The following MTMR3 variants were observed in gnomAD, a reference collection of about 807,000 sequenced individuals.
The protein encoded by MTMR3 is phosphatidylinositol-3,5-bisphosphate 3-phosphatase MTMR3.
In MTMR3, 32 loss-of-function variants were observed where a neutral mutation model predicts 132.4. The ratio of observed to expected loss-of-function variants is 0.24; its 90% confidence interval spans 0.18 to 0.32. The LOEUF is 0.32. Ranked by LOEUF, MTMR3 falls within the 10% of genes least tolerant of loss-of-function variation. MTMR3 has a pLI of 1.00. For synonymous variants in MTMR3, 556 were observed against 550.3 expected (o/e 1.01, Z -0.14); for missense variants, 1,216 against 1,489.6 (o/e 0.82, Z 3.02).
At chr22:30,024,928 C>G (rs1344315395) in intron 19 of MTMR3, 1 of 152,662 alleles carries the variant, frequency 6.6e-6, no homozygotes, top group Non-Finnish European at 1.5e-5. Flanking sequence ...TGGTAGAACT[C>G]TGGTTTTCCC....
chr22:29,917,457 G>A (rs2065330555), intron 1 of MTMR3, among the ~76,000 whole-genome samples: 1 of 152,092 alleles, frequency 6.6e-6, no homozygotes, highest in African/African-American at 2.4e-5. Context: ...GGCCAGCCTG[G>A]GCAACACAGG....
chr22:29,918,763 TATC>T (rs1347105543), intron 1 of MTMR3, among the ~76,000 whole-genome samples: 3 of 152,246 alleles, frequency 2.0e-5, no homozygotes, highest in Non-Finnish European at 4.4e-5. Context: ...ATCTGTCTCA[TATC>T]ATTTCATATG....
intron 1 of MTMR3, among the ~76,000 whole-genome samples, chr22:29,888,083 T>TAA (rs1238198278): frequency 1.3e-5 from 2 of 152,294 alleles, no homozygotes; most frequent in Admixed American, 1.3e-4. Context: ...AGTGGCACGA[T>TAA]CTCGGCTCAC....
In MTMR3 at chr22:30,016,575, G is replaced by A; in HGVS notation, c.1551G>A (p.Leu517=). 6.2e-7 allele frequency: 1 copy of A among 1,614,122 alleles called. No individual in the cohort carries two copies. Among genetic ancestry groups the A allele is most frequent in the Non-Finnish European group, 8.5e-7 (1 of 1,180,026 alleles). Residue 517 remains leucine (L), a synonymous_variant, in exon 15 of 20, where the codon CTG becomes CTA. Coordinates refer to ENST00000401950, the MANE Select transcript of MTMR3 (RefSeq NM_021090.4). ...HTYSCLFGTF[L]CNNAKERGEK... is the part of the protein sequence containing the mutation. The stretch of plus-strand genomic sequence containing the variant: ...ATTCCTGCCTGTTTGGAACATTCCT[G>A]TGCAACAACGCCAAGGAGAGAGGGG...
chr22:29,933,393 A>T (rs1167746159), intron 1 of MTMR3, among the ~76,000 whole-genome samples: 2 of 151,884 alleles, frequency 1.3e-5, no homozygotes. Context: ...GGATGCTTTT[A>T]TATCCAAGTT....
chr22:30,018,232 C>CT (rs2067649980), intron 16 of MTMR3, 160 bp downstream of exon 16: 1 of 774,810 alleles, frequency 1.3e-6, no homozygotes, highest in African/African-American at 1.8e-5. Context: ...GATTTCTGAG[C>CT]TACGAGGCTG....
intron 1 of MTMR3, among the ~76,000 whole-genome samples, chr22:29,925,207 G>GT (rs1439731827): frequency 4.6e-5 from 7 of 152,094 alleles, no homozygotes; most frequent in African/African-American, 9.7e-5. Flanking sequence ...TAGTTTTACT[G>GT]TTTTTTGTAG....
At chr22:29,951,998 G>A (rs1474555456) in intron 1 of MTMR3, among the ~76,000 whole-genome samples, 2 of 147,314 alleles carry the variant, frequency 1.4e-5, no homozygotes, top group East Asian at 2.1e-4. Flanking sequence ...GAAGTAATCC[G>A]CCCACCTCAG....
intron 12 of MTMR3, 33 bp downstream of exon 12, chr22:30,009,162 T>C (rs41157): frequency 0.66 from 907,295 of 1,377,764 alleles, 306,086 homozygotes; most frequent in African/African-American, 0.87. Flanking sequence ...CATTTTGCAT[T>C]GCTCTTAAAT....
chr22:29,899,723 A>G (rs1184741792), intron 1 of MTMR3: 1 of 152,220 alleles, frequency 6.6e-6, no homozygotes, highest in Non-Finnish European at 1.5e-5. Context: ...AAAAATGGAC[A>G]AAACTAACAG....
At chr22:29,991,038 A>G (rs1322664597) in intron 6 of MTMR3, 1 of 152,830 alleles carries the variant, frequency 6.5e-6, no homozygotes, top group Non-Finnish European at 1.5e-5. Context: ...GATTTGTCCT[A>G]ATAGCTAAAT....
At chr22:29,902,406 GT>G (rs534691732) in intron 1 of MTMR3, among the ~76,000 whole-genome samples, 2,520 of 134,446 alleles carry the variant, frequency 0.019, 33 homozygotes, top group African/African-American at 0.061. Flanking sequence ...GGTTATGAAA[GT>G]TTTTTTTTTT....
chr22:29,938,257 A>G (rs2145805054), intron 1 of MTMR3, among the ~76,000 whole-genome samples: 1 of 152,340 alleles, frequency 6.6e-6, no homozygotes, highest in East Asian at 1.9e-4. Flanking sequence ...TGCTTTGCGT[A>G]AAGAAACCCA....
intron 2 of MTMR3, among the ~76,000 whole-genome samples, chr22:29,960,498 A>C (rs1427244690): frequency 6.6e-6 from 1 of 152,216 alleles, no homozygotes; most frequent in Non-Finnish European, 1.5e-5. Flanking sequence ...AGTGTTGGAA[A>C]CTGTCCTATC....
At chr22:29,931,380 G>A (rs1306255673) in intron 1 of MTMR3, among the ~76,000 whole-genome samples, 3 of 152,170 alleles carry the variant, frequency 2.0e-5, no homozygotes, top group Admixed American at 1.3e-4. Context: ...AACATCCAAA[G>A]TGATAATAGT....
chr22:29,974,430 G>T (rs1156979518), intron 3 of MTMR3, among the ~76,000 whole-genome samples: 1 of 152,228 alleles, frequency 6.6e-6, no homozygotes, highest in Non-Finnish European at 1.5e-5. Context: ...GGGGAGAAAA[G>T]TTCTGAAGCT....
At chr22:29,912,408 C>T (rs1763494326) in intron 1 of MTMR3, among the ~76,000 whole-genome samples, 1 of 152,128 alleles carries the variant, frequency 6.6e-6, no homozygotes, top group African/African-American at 2.4e-5. Flanking sequence ...TCCTGCCTCC[C>T]AAGTAGCTGG....
At chr22:30,007,022 T>G (rs773235857) in intron 9 of MTMR3, 92 bp from the exon 10 acceptor site, 4 of 1,343,424 alleles carry the variant, frequency 3.0e-6, no homozygotes, top group Non-Finnish European at 3.1e-6. Flanking sequence ...TACCTAGAAT[T>G]AGACTGTTCA....
intron 7 of MTMR3, chr22:29,993,422 A>G (rs1020067453): frequency 1.3e-5 from 2 of 152,034 alleles, no homozygotes; most frequent in Non-Finnish European, 2.9e-5. Flanking sequence ...CATCTTCTTT[A>G]TTAAATTTTT....
Sources: allele counts gnomAD v4.1 joint callset (sites outside exome capture counted in the v4.1 genomes callset), GRCh38; gene constraint gnomAD v4.1.1; transcripts MANE v1.5; gene names NCBI Gene and HGNC (gene_info 2026-07-23, HGNC 2026-07-21).